Variants in CTIF observed in about 807,000 individuals in gnomAD.
CTIF encodes the protein CBP80/20-dependent translation initiation factor.
Under a neutral mutation model 66.0 loss-of-function variants are expected in CTIF, and 21 were observed. The ratio of observed to expected loss-of-function variants is 0.32; its 90% CI spans 0.23 to 0.46. The LOEUF (loss-of-function observed/expected upper bound fraction) is 0.46, where lower values mean the gene tolerates loss of function less well. Among genes scored for constraint, CTIF ranks in the 20% least tolerant of loss-of-function variants. The pLI is 1.00. For synonymous variants in CTIF, 345 were observed against 326.4 expected (o/e 1.06, Z -0.62); for missense variants, 739 against 812.7 (o/e 0.91, Z 1.10).
At chr18:48,583,015 G>A (rs955638572) in intron 1 of CTIF, among the ~76,000 whole-genome samples, 6 of 152,200 alleles carry the variant, frequency 3.9e-5, no homozygotes, top group African/African-American at 1.4e-4. Context: ...GTATGCCCAG[G>A]GTGTGCCCCA....
intron 9 of CTIF, among the ~76,000 whole-genome samples, chr18:48,768,700 A>G (rs1052130600): frequency 6.6e-6 from 1 of 152,154 alleles, no homozygotes; most frequent in Non-Finnish European, 1.5e-5. Context: ...GCTTGAGGCC[A>G]GGAGTTTGAG....
intron 1 of CTIF, among the ~76,000 whole-genome samples, chr18:48,582,187 G>C (rs565150541): frequency 1.3e-5 from 2 of 152,054 alleles, no homozygotes; most frequent in Non-Finnish European, 2.9e-5. Context: ...AGACTTGGCC[G>C]AGACAGCTGC....
At chr18:48,680,333 A>G (rs1339883492) in intron 6 of CTIF, among the ~76,000 whole-genome samples, 1 of 152,262 alleles carries the variant, frequency 6.6e-6, no homozygotes, top group Non-Finnish European at 1.5e-5. Context: ...CCTTGAGGCC[A>G]GCATGGGACA....
At chr18:48,728,541 G>A (rs115079495) in intron 7 of CTIF, among the ~76,000 whole-genome samples, 1 of 152,334 alleles carries the variant, frequency 6.6e-6, no homozygotes, top group African/African-American at 2.4e-5. Flanking sequence ...TGGTCAGGCT[G>A]TTGGCCAGGA....
chr18:48,593,556 G>T (rs1469965926), intron 1 of CTIF, among the ~76,000 whole-genome samples: 1 of 151,464 alleles, frequency 6.6e-6, no homozygotes. Context: ...TAATTTTTTT[G>T]TATTTTTAGT....
chr18:48,602,645 C>T (rs764308318), intron 1 of CTIF, among the ~76,000 whole-genome samples: 25 of 152,164 alleles, frequency 1.6e-4, no homozygotes, highest in Non-Finnish European at 3.1e-4. Flanking sequence ...GTGTTTCTCT[C>T]CTATGTTGGT....
Position 48,572,838 on chromosome 18 carries a change from C to T in CTIF, c.-29+33526C>T, listed in dbSNP as rs185429420. 7.8e-4 allele frequency among the ~76,000 whole-genome samples: 118 copies of T among 152,002 alleles called. No individual in the cohort carries two copies. In the East Asian group the frequency reaches 0.017, roughly 22 times the overall value. ...CCCCAACTCTTCAAAAAATACAAAA[C>T]CTAGCCAGGCCACTACCATTAGTGT... On this transcript the variant is annotated intron_variant, in intron 1 of 11. Coordinates refer to ENST00000256413, the MANE Select transcript of CTIF (RefSeq NM_014772.3).
chr18:48,805,350 C>T (rs962784661), intron 9 of CTIF, among the ~76,000 whole-genome samples: 6 of 150,102 alleles, frequency 4.0e-5, no homozygotes, highest in East Asian at 2.0e-4. Flanking sequence ...GGGGCCAGGC[C>T]GCAGGCCCTG....
At chr18:48,716,313 G>A (rs748792608) in intron 7 of CTIF, among the ~76,000 whole-genome samples, 11 of 152,236 alleles carry the variant, frequency 7.2e-5, no homozygotes, top group African/African-American at 1.7e-4. Flanking sequence ...AGTCATCCAC[G>A]TGTTAACAGG....
intron 7 of CTIF, among the ~76,000 whole-genome samples, chr18:48,715,444 C>A (rs779375114): frequency 1.3e-4 from 20 of 152,182 alleles, no homozygotes; most frequent in Non-Finnish European, 2.2e-4. Flanking sequence ...GAGCAGCATG[C>A]CTTCTGATGC....
Position 48,851,737 on chromosome 18 carries a change from C to T in CTIF, c.1528-5851C>T, listed in dbSNP as rs185793725. Among the ~76,000 whole-genome samples the T allele has an allele frequency of 2.8e-3, 426 of 152,264 alleles. 2 individuals carry two copies. Among genetic ancestry groups the T allele is most frequent in the African/African-American group, 9.8e-3 (408 of 41,534 alleles). On this transcript the variant is annotated intron_variant, in intron 10 of 11. Coordinates refer to ENST00000256413, the MANE Select transcript of CTIF (RefSeq NM_014772.3). ...CCGCCTGCGGCTGCTTCCCCAGCTG[C>T]CCTCCCTTCCTTCGCATCAGCTCCC...
intron 1 of CTIF, among the ~76,000 whole-genome samples, chr18:48,559,193 C>T (rs962207328): frequency 1.7e-4 from 25 of 148,896 alleles, no homozygotes; most frequent in African/African-American, 4.4e-4. Flanking sequence ...TTTATGTGCT[C>T]ATACAAATTT....
rs539421998 is a variant in CTIF, at chr18:48,596,298, A to T, written c.-28-23240A>T. The stretch of plus-strand genomic sequence containing the variant: ...GATCACAGGGGCCCAAGCTCTTTCT[A>T]TCTTTCTGCTTTGCCCTGTGTAATA... On this transcript the variant is annotated intron_variant, in intron 1 of 11. Transcript: ENST00000256413. Among the ~76,000 whole-genome samples, 4 of 152,136 alleles carry T rather than the reference A, an allele frequency of 2.6e-5. No homozygotes were observed. The South Asian group carries it at 6.2e-4, about 24-fold the overall frequency.
At chr18:48,657,292 A>C (rs1380796290) in intron 3 of CTIF, among the ~76,000 whole-genome samples, 2 of 152,222 alleles carry the variant, frequency 1.3e-5, no homozygotes, top group Non-Finnish European at 2.9e-5. Context: ...ACATCGTAAC[A>C]ATTTTCTACA....
chr18:48,661,457 G>A (rs1015473071), intron 3 of CTIF, among the ~76,000 whole-genome samples: 13 of 151,998 alleles, frequency 8.6e-5, no homozygotes, highest in African/African-American at 7.3e-5. Flanking sequence ...AATTACATTC[G>A]AGGCCCAGGA....
intron 5 of CTIF, among the ~76,000 whole-genome samples, chr18:48,665,298 C>T (rs1045472846): frequency 6.6e-6 from 1 of 152,202 alleles, no homozygotes; most frequent in African/African-American, 2.4e-5. Flanking sequence ...GGTGTCATGC[C>T]TGATTTTACA....
chr18:48,577,715 G>A (rs2143758126), intron 1 of CTIF, among the ~76,000 whole-genome samples: 1 of 152,250 alleles, frequency 6.6e-6, no homozygotes, highest in East Asian at 1.9e-4. Flanking sequence ...TGGGACCACA[G>A]GTACACACCA....
chr18:48,570,892 C>T (rs2089401616), intron 1 of CTIF, among the ~76,000 whole-genome samples: 1 of 152,026 alleles, frequency 6.6e-6, no homozygotes, highest in African/African-American at 2.4e-5. Context: ...GATGAGGGAT[C>T]CAGACCTTGT....
intron 7 of CTIF, among the ~76,000 whole-genome samples, chr18:48,754,424 C>G (rs1363226726): frequency 6.6e-6 from 1 of 152,204 alleles, no homozygotes; most frequent in Admixed American, 6.5e-5. Context: ...TGCCTGCACA[C>G]AGAGGCCAGT....
Sources: gnomAD v4.1 joint callset for allele counts (sites outside exome capture counted in the v4.1 genomes callset) on GRCh38, gnomAD v4.1.1 for gene constraint, MANE v1.5 for transcripts, NCBI Gene and HGNC (gene_info 2026-07-23, HGNC 2026-07-21) for gene names.